Variants in IL10RA observed in about 807,000 individuals in gnomAD.
IL10RA encodes the protein interleukin-10 receptor subunit alpha.
Under a neutral mutation model 29.6 loss-of-function variants are expected in IL10RA, and 18 were observed. That is an observed-to-expected ratio of 0.61 (90% CI 0.42 to 0.90). The LOEUF (loss-of-function observed/expected upper bound fraction) is 0.90, where lower values mean the gene tolerates loss of function less well. IL10RA is among the 40% of genes least tolerant of loss of function. The probability of loss-of-function intolerance (pLI) is 0.00; values close to 1 mark genes in which losing one functional copy is unlikely to be tolerated. For missense variants in IL10RA, 634 were observed against 716.6 expected (o/e 0.88, Z 1.32); for synonymous variants, 292 against 294.1 (o/e 0.99, Z 0.07).
intron 5 of IL10RA, chr11:117,995,318 T>G (rs1391394723): frequency 8.0e-6 from 4 of 497,974 alleles, no homozygotes; most frequent in Non-Finnish European, 1.5e-5. Flanking sequence ...CCTGCCTCAC[T>G]GTTCTGTTTG....
intron 6 of IL10RA, 80 bp downstream of exon 6, chr11:117,995,790 C>G: frequency 6.8e-7 from 1 of 1,467,846 alleles, no homozygotes; most frequent in Non-Finnish European, 9.3e-7. Flanking sequence ...CTCTTTTCCT[C>G]CCAGCCAGTC....
chr11:117,997,968 A>G (rs1177678540), intron 6 of IL10RA, among the ~76,000 whole-genome samples: 1 of 152,142 alleles, frequency 6.6e-6, no homozygotes. Flanking sequence ...GCCCTGAGGC[A>G]GCACGGTGCT....
Position 117,999,121 on chromosome 11 carries a change from T to C in IL10RA, c.1217T>C (p.Val406Ala), listed in dbSNP as rs2058075644. The C allele has an allele frequency of 6.2e-7, 1 of 1,613,020 alleles. No homozygotes were observed. Among genetic ancestry groups the C allele is most frequent in the African/African-American group, 1.3e-5 (1 of 75,032 alleles). ...CAGGATGACAGTGGCATTGACTTAG[T>C]TCAAAACTCTGAGGGCCGGGCTGGG... ...RGQDDSGIDL[V>A]QNSEGRAGDT... Residue 406 changes from valine (V) to alanine (A), a missense_variant, in exon 7 of 7, where the codon GTT (valine) becomes GCT (alanine). Transcript: ENST00000227752.
chr11:117,986,453 T>C lies in IL10RA; in HGVS notation c.-15T>C. ...CCGGCTCCGCTCCGGCCCCGGACGA[T>C]GCGGCGCGCCCAGGATGCTGCCGTG... On this transcript the variant is annotated 5_prime_UTR_variant, in exon 1 of 7. An upstream start codon of the reference 5' UTR is lost. Transcript: ENST00000227752. 3 of 1,550,908 alleles carry C rather than the reference T, an allele frequency of 1.9e-6. No individual in the cohort carries two copies. Among genetic ancestry groups the C allele is most frequent in the Non-Finnish European group, 1.7e-6 (2 of 1,147,620 alleles).
Position 117,999,156 on chromosome 11 carries a change from G to A in IL10RA, c.1252G>A (p.Gly418Ser), listed in dbSNP as rs867234841. The change falls in exon 7 of 7, where the codon GGT (glycine) becomes AGT (serine). Residue 418 changes from glycine to serine, a missense_variant. By Grantham distance (56) the Gly-to-Ser change is moderately conservative. Coordinates refer to ENST00000227752, the MANE Select transcript of IL10RA (RefSeq NM_001558.4). ...NSEGRAGDTQ[G>S]GSALGHHSPP... is the part of the protein sequence containing the mutation. ...TGAGGGCCGGGCTGGGGACACACAGGGTGGCTCGGCCTTGGGCCACCACAG... is the reference window on the plus strand; with the variant it reads ...TGAGGGCCGGGCTGGGGACACACAGAGTGGCTCGGCCTTGGGCCACCACAG... 1 of 1,614,108 alleles carries A rather than the reference G, an allele frequency of 6.2e-7. No homozygotes were observed. Among genetic ancestry groups the A allele is most frequent in the East Asian group, 2.2e-5 (1 of 44,868 alleles).
At chr11:117,995,525 C>T in intron 5 of IL10RA, 64 bp from the exon 6 acceptor site, 1 of 1,609,274 alleles carries the variant, frequency 6.2e-7, no homozygotes, top group East Asian at 2.2e-5. Context: ...GGACCAGAGT[C>T]CTATGTCCAG....
rs137853579 is a variant in IL10RA, at chr11:117,993,294, G to C, written c.421G>C (p.Gly141Arg). Residue 141 changes from glycine (G) to arginine (R), a missense_variant, in exon 4 of 7, where the codon GGG becomes CGG. Coordinates refer to ENST00000227752, the MANE Select transcript of IL10RA (RefSeq NM_001558.4). The part of the protein sequence containing the change: ...NLEIHNGFIL[G>R]KIQLPRPKMA... ...AGAGATCCACAATGGCTTCATCCTC[G>C]GGAAGATTCAGCTACCCAGGCCCAA... 1 of 1,614,036 alleles carries C rather than the reference G, an allele frequency of 6.2e-7. No individual in the cohort carries two copies. Among genetic ancestry groups the C allele is most frequent in the Non-Finnish European group, 8.5e-7 (1 of 1,179,948 alleles).
rs1323223502 is a variant in IL10RA, at chr11:117,986,441, G to C, written c.-27G>C. ...GAGGCGCGCAGGCCGGCTCCGCTCC[G>C]GCCCCGGACGATGCGGCGCGCCCAG... On this transcript the variant is annotated 5_prime_UTR_variant, in exon 1 of 7. Coordinates refer to ENST00000227752, the MANE Select transcript of IL10RA (RefSeq NM_001558.4). 26 of 1,547,918 alleles carry C rather than the reference G, an allele frequency of 1.7e-5. No individual in the cohort carries two copies. The highest frequency in any genetic ancestry group is 3.9e-5 in the Admixed American group (2 of 51,098).
chr11:117,988,260 C>T (rs1431496034), intron 1 of IL10RA, 122 bp from the exon 2 acceptor site: 21 of 1,236,188 alleles, frequency 1.7e-5, no homozygotes, highest in East Asian at 7.0e-5. Flanking sequence ...CTGCCCCTTA[C>T]GGGCTCCGCT....
chr11:117,994,211 A>G, intron 5 of IL10RA, 62 bp downstream of exon 5: 1 of 1,483,494 alleles, frequency 6.7e-7, no homozygotes, highest in Non-Finnish European at 9.3e-7. Flanking sequence ...GTGCAATCCA[A>G]AACGCGTGCA....
In IL10RA at chr11:117,989,373, G is replaced by C. The variant is rs1400162564; in HGVS notation, c.189-69G>C. The stretch of plus-strand genomic sequence containing the variant: ...GTGGGAGCTCTCTTCCTGGCCTCTT[G>C]CGTCTCCCTTAAAGGAGGTAGGATT... On this transcript the variant is annotated intron_variant, in intron 2 of 6. Transcript: ENST00000227752. This position sits in a 1 kb window ranked among gnomAD's most constrained non-coding sequence, Gnocchi z 4.5. The C allele has an allele frequency of 2.1e-6, 3 of 1,415,090 alleles. No individual in the cohort carries two copies. The highest frequency in any genetic ancestry group is 3.0e-6 in the Non-Finnish European group (3 of 998,956). The allele number at this position is 1,415,090 out of a possible 1,614,324, so 87.7% of individuals were successfully genotyped here.
At chr11:117,992,129 C>A (rs1272060384) in intron 3 of IL10RA, among the ~76,000 whole-genome samples, 1 of 152,202 alleles carries the variant, frequency 6.6e-6, no homozygotes, top group Non-Finnish European at 1.5e-5. Flanking sequence ...ATTTCCATAT[C>A]TTGGCTGTTA....
At position 117,986,854 on chromosome 11, in the gene IL10RA, G is replaced by T. The variant is rs1349474389; in HGVS notation, c.67+320G>T. On this transcript the variant is annotated intron_variant, in intron 1 of 6. Coordinates refer to ENST00000227752, the MANE Select transcript of IL10RA (RefSeq NM_001558.4). ...GGTTTTTTGCTGTTTAGGTTCAAAT[G>T]ATGGGACTTCTTGTCCCCTTGGGGA... The T allele has an allele frequency of 8.3e-6, 12 of 1,439,276 alleles. 1 individual carries two copies. The Middle Eastern group carries it at 2.2e-3, about 260-fold the overall frequency. The allele number at this position is 1,439,276 out of a possible 1,614,324, so 89.2% of individuals were successfully genotyped here.
At chr11:117,987,933 C>T (rs1253679166) in intron 1 of IL10RA, 1 of 264,108 alleles carries the variant, frequency 3.8e-6, no homozygotes, top group Non-Finnish European at 7.5e-6. Flanking sequence ...AGCAGGCTGT[C>T]TGTGTACTTA....
rs1411727319 is a variant in IL10RA, at chr11:117,995,635, G to C, written c.735G>C (p.Leu245=). 8 of 1,614,020 alleles carry C rather than the reference G, an allele frequency of 5.0e-6. No homozygotes were observed. The highest frequency in any genetic ancestry group is 1.3e-5 in the African/African-American group (1 of 74,910). ...NVIIFFAFVL[L]LSGALAYCLA... Reference sequence around the variant, plus strand: ...TCATCTTCTTTGCCTTTGTCCTGCTGCTCTCCGGAGCCCTCGCCTACTGCC... The same window carrying C: ...TCATCTTCTTTGCCTTTGTCCTGCTCCTCTCCGGAGCCCTCGCCTACTGCC... Residue 245 remains leucine (L), a synonymous_variant, in exon 6 of 7, where the codon CTG becomes CTC. Transcript: ENST00000227752.
In IL10RA at chr11:118,000,468, T is replaced by C. The variant is rs1168923887; in HGVS notation, c.*827T>C. 2 of 454,114 alleles carry C rather than the reference T, an allele frequency of 4.4e-6. No individual in the cohort carries two copies. The highest frequency in any genetic ancestry group is 4.0e-5 in the African/African-American group (2 of 49,994). The allele number at this position is 454,114 out of a possible 1,614,324, so 28.1% of individuals were successfully genotyped here. Reference sequence around the variant, plus strand: ...TTGCTGACAACTTCCAGAGAAGCCATGGTTTTTTGTATTGGTCATAACTCA... The same window carrying C: ...TTGCTGACAACTTCCAGAGAAGCCACGGTTTTTTGTATTGGTCATAACTCA... On this transcript the variant is annotated 3_prime_UTR_variant, in exon 7 of 7. Coordinates refer to ENST00000227752, the MANE Select transcript of IL10RA (RefSeq NM_001558.4).
At chr11:117,993,714 G>A (rs879405330) in intron 4 of IL10RA, among the ~76,000 whole-genome samples, 19 of 152,196 alleles carry the variant, frequency 1.2e-4, no homozygotes, top group African/African-American at 4.6e-4. Flanking sequence ...GGGAGAGCTG[G>A]CATCTGCAAA....
At position 117,989,425 on chromosome 11, in the gene IL10RA, A is replaced by T; in HGVS notation, c.189-17A>T. ...AGCACAAGCTCGTTTCCAGTGCCTA[A>T]CCTGGTATCTCCTCAGGTATGGAAT... On this transcript the variant is annotated splice_polypyrimidine_tract_variant and intron_variant, in intron 2 of 6. Coordinates refer to ENST00000227752, the MANE Select transcript of IL10RA (RefSeq NM_001558.4). This position sits in a 1 kb window ranked among gnomAD's most constrained non-coding sequence, Gnocchi z 4.5. 1 of 1,612,946 alleles carries T rather than the reference A, an allele frequency of 6.2e-7. No individual in the cohort carries two copies. Among genetic ancestry groups the T allele is most frequent in the Non-Finnish European group, 8.5e-7 (1 of 1,178,878 alleles).
In IL10RA at chr11:118,000,524, C is replaced by A. The variant is rs2058089271; in HGVS notation, c.*883C>A. On this transcript the variant is annotated 3_prime_UTR_variant, in exon 7 of 7. Transcript: ENST00000227752. ...TTGGGCGGCCTCTGGGCTTGGGCAC[C>A]AGCTCATGCCAGCCCCAGAGGGTCA... The A allele has an allele frequency of 2.2e-6, 1 of 454,164 alleles. No individual in the cohort carries two copies. The highest frequency in any genetic ancestry group is 2.0e-5 in the African/African-American group (1 of 50,004). 28.1% of individuals were successfully genotyped at this position (454,164 alleles called of 1,614,324 possible).
Sources: gnomAD v4.1 joint callset for allele counts (sites outside exome capture counted in the v4.1 genomes callset) on GRCh38, gnomAD v4.1.1 for gene constraint, Gnocchi (gnomAD v3.1) non-coding constraint, MANE v1.5 for transcripts, NCBI Gene and HGNC (gene_info 2026-07-23, HGNC 2026-07-21) for gene names.